STEAP1B: variants seen among roughly 807,000 people sequenced by gnomAD.
STEAP1B encodes the protein STEAP family protein MGC87042.
STEAP1B carries 13 observed loss-of-function variants against 27.9 expected under a neutral mutation model. The observed-to-expected ratio is 0.47, with a 90% confidence interval of 0.30 to 0.74. The LOEUF is 0.74. Ranked by LOEUF, STEAP1B falls within the 30% of genes least tolerant of loss-of-function variation. STEAP1B has a pLI of 0.06. For missense variants in STEAP1B, 250 were observed against 298.7 expected, an observed-to-expected ratio of 0.84 and a Z score of 1.20; for synonymous variants, 86 against 107.1, an observed-to-expected ratio of 0.80 and a Z score of 1.22.
At chr7:22,488,906 G>A (rs181675543) in intron 4 of STEAP1B, among the ~76,000 whole-genome samples, 1 of 152,254 alleles carries the variant, frequency 6.6e-6, no homozygotes, top group East Asian at 1.9e-4. Context: ...ATCTTGCCAC[G>A]GACAAGTCCC....
intron 4 of STEAP1B, among the ~76,000 whole-genome samples, chr7:22,484,081 C>T (rs144315470): frequency 2.0e-3 from 311 of 152,312 alleles, no homozygotes; most frequent in Middle Eastern, 6.8e-3. Context: ...ATCTCCATAA[C>T]GTAGAAGTGC....
chr7:22,496,695 A>G (rs1200290419), intron 1 of STEAP1B, among the ~76,000 whole-genome samples: 1 of 152,210 alleles, frequency 6.6e-6, no homozygotes, highest in Non-Finnish European at 1.5e-5. Context: ...AGACTATACC[A>G]TCTAGCCTAA....
intron 4 of STEAP1B, among the ~76,000 whole-genome samples, chr7:22,488,647 C>A (rs947313933): frequency 6.6e-6 from 1 of 152,218 alleles, no homozygotes; most frequent in Non-Finnish European, 1.5e-5. Context: ...TTGGTAGGTT[C>A]TGCCATGTTT....
intron 4 of STEAP1B, among the ~76,000 whole-genome samples, chr7:22,471,877 T>G (rs1224900441): frequency 4.6e-5 from 5 of 108,300 alleles, no homozygotes; most frequent in African/African-American, 7.6e-5. Flanking sequence ...CACTCCCGCC[T>G]GGGCAAACCT....
At chr7:22,431,987 A>G (rs1258585372) in intron 4 of STEAP1B, among the ~76,000 whole-genome samples, 1 of 152,186 alleles carries the variant, frequency 6.6e-6, no homozygotes, top group Non-Finnish European at 1.5e-5. Flanking sequence ...CGTCTCTCCA[A>G]AATTCATATA....
chr7:22,478,271 T>A (rs56075961), intron 4 of STEAP1B, among the ~76,000 whole-genome samples: 13,242 of 152,294 alleles, frequency 0.087, 717 homozygotes, highest in Non-Finnish European at 0.12. Flanking sequence ...CTTAAGGCAA[T>A]GAGGACAGAC....
chr7:22,461,489 C>G (rs978849624), intron 4 of STEAP1B, among the ~76,000 whole-genome samples: 2 of 152,148 alleles, frequency 1.3e-5, no homozygotes, highest in African/African-American at 2.4e-5. Flanking sequence ...TCTTGAACTC[C>G]TGACCTCAGG....
intron 4 of STEAP1B, among the ~76,000 whole-genome samples, chr7:22,474,876 C>G (rs1256786952): frequency 6.6e-6 from 1 of 152,204 alleles, no homozygotes; most frequent in African/African-American, 2.4e-5. Flanking sequence ...AAGACCCAGG[C>G]AGGTAGCTGT....
intron 4 of STEAP1B, among the ~76,000 whole-genome samples, chr7:22,431,214 ACAGCTTCTCCTCCTCTTCT>A (rs532510202): frequency 3.3e-4 from 50 of 152,338 alleles, no homozygotes; most frequent in African/African-American, 1.2e-3. Context: ...CACCAAAGAT[ACAGCTTCTCCTCCTCTTCT>A]CTTCTATGGT....
At chr7:22,466,199 C>T (rs945832992) in intron 4 of STEAP1B, among the ~76,000 whole-genome samples, 9 of 152,098 alleles carry the variant, frequency 5.9e-5, no homozygotes, top group Admixed American at 1.3e-4. Context: ...GTATATATTT[C>T]TTGTGTACAA....
chr7:22,474,820 C>CAGTGGTG (rs1226927649), intron 4 of STEAP1B, among the ~76,000 whole-genome samples: 2 of 152,136 alleles, frequency 1.3e-5, no homozygotes, highest in African/African-American at 4.8e-5. Flanking sequence ...TCACCCATGC[C>CAGTGGTG]AGTGGTGAGT....
intron 4 of STEAP1B, among the ~76,000 whole-genome samples, chr7:22,472,503 G>A (rs1785902008): frequency 6.6e-6 from 1 of 152,240 alleles, no homozygotes; most frequent in Non-Finnish European, 1.5e-5. Flanking sequence ...GATGACGTAA[G>A]AACAGAGATT....
At chr7:22,450,818 T>C (rs947393788) in intron 4 of STEAP1B, among the ~76,000 whole-genome samples, 1 of 152,212 alleles carries the variant, frequency 6.6e-6, no homozygotes, top group Non-Finnish European at 1.5e-5. Flanking sequence ...TCCTCCTCAA[T>C]TTCTTTCATC....
At chr7:22,433,855 G>A (rs1411192387) in intron 4 of STEAP1B, among the ~76,000 whole-genome samples, 2 of 152,166 alleles carry the variant, frequency 1.3e-5, no homozygotes, top group African/African-American at 4.8e-5. Flanking sequence ...GTGTGTATAC[G>A]TATGTGTGTA....
At chr7:22,461,080 G>T (rs1033763328) in intron 4 of STEAP1B, among the ~76,000 whole-genome samples, 1 of 152,122 alleles carries the variant, frequency 6.6e-6, no homozygotes, top group African/African-American at 2.4e-5. Context: ...GGAACAGCTA[G>T]CTGTGTTGGA....
chr7:22,475,041 G>A (rs897252103), intron 4 of STEAP1B, among the ~76,000 whole-genome samples: 1 of 152,096 alleles, frequency 6.6e-6, no homozygotes, highest in Non-Finnish European at 1.5e-5. Context: ...CTGATTAACC[G>A]ACATGCCTCA....
chr7:22,432,577 A>C (rs1785201758), intron 4 of STEAP1B, among the ~76,000 whole-genome samples: 1 of 152,062 alleles, frequency 6.6e-6, no homozygotes, highest in African/African-American at 2.4e-5. Context: ...TCTGTCTCTA[A>C]GGAAAAATAA....
intron 4 of STEAP1B, among the ~76,000 whole-genome samples, chr7:22,426,173 T>C (rs1785104974): frequency 7.2e-6 from 1 of 139,074 alleles, no homozygotes; most frequent in African/African-American, 2.6e-5. Context: ...GTCAATCCTT[T>C]TGTCTCCTGG....
At chr7:22,446,707 T>C (rs919510390) in intron 4 of STEAP1B, among the ~76,000 whole-genome samples, 2 of 152,196 alleles carry the variant, frequency 1.3e-5, no homozygotes, top group Non-Finnish European at 2.9e-5. Context: ...AGATTAGAGT[T>C]AATAAGGTGA....
Sources: gnomAD v4.1 joint callset for allele counts (sites outside exome capture counted in the v4.1 genomes callset) on GRCh38, gnomAD v4.1.1 for gene constraint, MANE v1.5 for transcripts, NCBI Gene and HGNC (gene_info 2026-07-23, HGNC 2026-07-21) for gene names.